ADGRD2: variants seen among roughly 807,000 people sequenced by gnomAD.
The protein encoded by ADGRD2 is G protein-coupled receptor PGR24.
A neutral mutation model predicts 44.4 loss-of-function variants in ADGRD2; 71 were observed. That is an observed-to-expected ratio of 1.60 (90% CI 1.32 to 1.95). The LOEUF is 1.95. ADGRD2 is among the 30% of genes most tolerant of loss of function. The pLI is 0.00. For synonymous variants in ADGRD2, 481 were observed against 224.8 expected, an observed-to-expected ratio of 2.14 and a Z score of -10.19; for missense variants, 1,039 against 512.4, an observed-to-expected ratio of 2.03 and a Z score of -9.92.
intron 21 of ADGRD2, among the ~76,000 whole-genome samples, chr9:124,477,716 G>A (rs1235107058): frequency 2.6e-5 from 4 of 152,162 alleles, no homozygotes; most frequent in Non-Finnish European, 5.9e-5. Context: ...CGGTCCCGGG[G>A]AGTCTCAGCT....
chr9:124,469,200 G>T (rs1231423143), intron 14 of ADGRD2, 22 bp from the exon 18 acceptor site: 1 of 702,154 alleles, frequency 1.4e-6, no homozygotes, highest in South Asian at 1.5e-5. Flanking sequence ...CCAGCCTTGA[G>T]GCCCCCTTCT....
rs557119578 is a variant in ADGRD2 at position 124,454,693 on chromosome 9, G to T, written c.1108+124G>T. On this transcript the variant is annotated intron_variant, in intron 5 of 21. Coordinates refer to ENST00000334810, the Ensembl canonical transcript of ADGRD2. This position sits in a 1 kb window ranked among gnomAD's most constrained non-coding sequence, Gnocchi z 4.5. ...GTCTGCAGGAATAAAGGCCATTCAG[G>T]CTCCCTATTCTGTAGCCCCTGAGAG... The T allele has an allele frequency of 1.6e-6, 1 of 640,054 alleles. No individual in the cohort carries two copies. 39.6% of individuals were successfully genotyped at this position (640,054 alleles called of 1,614,324 possible). A position where few individuals can be genotyped will look rare whatever the true frequency, so the allele number is the denominator to read the frequency against.
intron 10 of ADGRD2, among the ~76,000 whole-genome samples, chr9:124,460,046 G>A (rs938085667): frequency 2.0e-5 from 3 of 151,638 alleles, no homozygotes; most frequent in Admixed American, 2.0e-4. Flanking sequence ...GAATGTTTCA[G>A]AGAAAGCAAG....
chr9:124,466,021 G>A (rs1325801585), intron 10 of ADGRD2: 2 of 342,656 alleles, frequency 5.8e-6, no homozygotes, highest in East Asian at 9.1e-5. Flanking sequence ...GGTCCCAGTG[G>A]CTCAGTAATT....
Position 124,454,265 on chromosome 9 carries a change from A to G in ADGRD2, c.1022+168A>G, listed in dbSNP as rs1210437771. 6.6e-6 allele frequency among the ~76,000 whole-genome samples: 1 copy of G among 152,210 alleles called. No individual in the cohort carries two copies. The highest frequency in any genetic ancestry group is 1.9e-4 in the East Asian group (1 of 5,192). On this transcript the variant is annotated intron_variant, in intron 4 of 21. Coordinates refer to ENST00000334810, the Ensembl canonical transcript of ADGRD2. The surrounding 1 kb of genome is among the most constrained non-coding windows in gnomAD (Gnocchi z 4.5). ...CAGAGCAGTGGGTCCAGACGGACCT[A>G]AGGGTGAATCGAAATTGTGTGACCT...
Position 124,454,199 on chromosome 9 carries a change from A to G in ADGRD2, c.1022+102A>G. 1.7e-6 allele frequency: 1 copy of G among 601,748 alleles called. No homozygotes were observed. The highest frequency in any genetic ancestry group is 2.6e-4 in the Middle Eastern group (1 of 3,866). 37.3% of individuals were successfully genotyped at this position (601,748 alleles called of 1,614,324 possible). On this transcript the variant is annotated intron_variant, in intron 4 of 21. Coordinates refer to ENST00000334810, the Ensembl canonical transcript of ADGRD2. The surrounding 1 kb of genome is among the most constrained non-coding windows in gnomAD (Gnocchi z 4.5). ...CTGCTGGCAAAGTCTGGGAATTCAG[A>G]ATAAACTCAGAGCTTCAAGGTCTCC...
intron 21 of ADGRD2, chr9:124,477,013 G>T (rs776313101): frequency 1.6e-6 from 1 of 643,652 alleles, no homozygotes; most frequent in East Asian, 3.3e-5. Flanking sequence ...GCGCTGCCAA[G>T]GAGCACAGCC....
chr9:124,453,890 C>G (rs1377057736), intron 3 of ADGRD2, 109 bp from the exon 7 acceptor site: 4 of 471,092 alleles, frequency 8.5e-6, no homozygotes, highest in Non-Finnish European at 1.5e-5. Flanking sequence ...CCCGAGCTGG[C>G]AACAGTGTCC....
At chr9:124,452,442 C>T in intron 1 of ADGRD2, 68 bp from the exon 5 acceptor site, 1 of 715,734 alleles carries the variant, frequency 1.4e-6, no homozygotes, top group Non-Finnish European at 2.6e-6. Context: ...GTCCTTGGCT[C>T]CGCCCAGCCC....
Position 124,455,949 on chromosome 9 carries a change from CTGGGACTAGGACA to C in ADGRD2, c.1394-668_1394-656del, listed in dbSNP as rs1195055431. Among the ~76,000 whole-genome samples the C allele has an allele frequency of 6.6e-5, 10 of 152,184 alleles. No individual in the cohort carries two copies. The South Asian group carries it at 8.3e-4, about 13-fold the overall frequency. ...CCCCTGTGGGCCTCAGAGGACAGAA[CTGGGACTAGGACA>C]TGGGGGTAGGGGAAGACGGCATAAC... On this transcript the variant is annotated intron_variant, in intron 6 of 21. Transcript: ENST00000334810.
Position 124,454,359 on chromosome 9 carries a change from C to A in ADGRD2, c.1023-125C>A. The A allele has an allele frequency of 1.6e-6, 1 of 623,550 alleles. No homozygotes were observed. The highest frequency in any genetic ancestry group is 2.9e-6 in the Non-Finnish European group (1 of 340,162). 38.6% of individuals were successfully genotyped at this position (623,550 alleles called of 1,614,324 possible). On this transcript the variant is annotated intron_variant, in intron 4 of 21. Coordinates refer to ENST00000334810, the Ensembl canonical transcript of ADGRD2. The surrounding 1 kb of genome is among the most constrained non-coding windows in gnomAD (Gnocchi z 4.5). Reference sequence around the variant, plus strand: ...AGAACACCGTGTGTAAGACTCTGGACACACAGCCATCAAGGTGCTCTTCCT... The same window carrying A: ...AGAACACCGTGTGTAAGACTCTGGAAACACAGCCATCAAGGTGCTCTTCCT...
chr9:124,451,458 G>T (rs1237019031), upstream of ADGRD2: 4 of 351,466 alleles, frequency 1.1e-5, no homozygotes, highest in Non-Finnish European at 2.2e-5. Context: ...CCTACTAGGT[G>T]GGCCACCCCA....
Position 124,469,256 on chromosome 9 carries a change from C to A in ADGRD2, c.2424C>A (p.Ala808=). 3 of 717,014 alleles carry A rather than the reference C, an allele frequency of 4.2e-6. No individual in the cohort carries two copies. In the South Asian group the frequency reaches 4.4e-5, roughly 11 times the overall value. The allele number at this position is 717,014 out of a possible 1,614,324, so 44.4% of individuals were successfully genotyped here. A position where few individuals can be genotyped will look rare whatever the true frequency, so the allele number is the denominator to read the frequency against. Reference sequence around the variant, plus strand: ...TGGGCATCGTGGCGGTCACCCTGGCCATGCTCCCCCATGACTACGTGGCCC... The same window carrying A: ...TGGGCATCGTGGCGGTCACCCTGGCAATGCTCCCCCATGACTACGTGGCCC... The change falls in exon 15 of 22, where the codon GCC becomes GCA. Residue 808 remains alanine, a synonymous_variant. Transcript: ENST00000334810.
intron 6 of ADGRD2, 40 bp from the exon 10 acceptor site, chr9:124,456,582 G>A: frequency 1.4e-6 from 1 of 716,998 alleles, no homozygotes; most frequent in Non-Finnish European, 2.6e-6. Flanking sequence ...GCAGTGGGGT[G>A]CAGAGTGTGA....
chr9:124,458,028 G>A (rs1443259782), intron 8 of ADGRD2, 85 bp from the exon 12 acceptor site: 2 of 700,254 alleles, frequency 2.9e-6, no homozygotes, highest in African/African-American at 1.8e-5. Flanking sequence ...TATCTCTAGA[G>A]TGGGGAGAGC....
At chr9:124,458,696 C>A in exon 10 of ADGRD2, 1 of 718,592 alleles carries the variant, frequency 1.4e-6, no homozygotes, top group Non-Finnish European at 2.6e-6. Flanking sequence ...GTGGCCATGA[C>A]CTTTCATCTC....
chr9:124,469,199 AG>A (rs34409653), intron 14 of ADGRD2, 22 bp from the exon 18 acceptor site: 1 of 701,426 alleles, frequency 1.4e-6, no homozygotes, highest in Non-Finnish European at 2.6e-6. Flanking sequence ...CCCAGCCTTG[AG>A]GCCCCCTTCT....
rs375484240 is a variant in ADGRD2, at chr9:124,452,394, G to T, written c.69-116G>T. The T allele has an allele frequency of 9.7e-4, 672 of 692,290 alleles. 8 individuals are homozygous for T. In the South Asian group the frequency reaches 0.01, roughly 11 times the overall value. The allele number at this position is 692,290 out of a possible 1,614,324, so 42.9% of individuals were successfully genotyped here. ...CTCAGCAGGCCATAGACATGGGCGGGTTCAGCCCCATCCAGCCCGAATGAC... is the reference window on the plus strand; with the variant it reads ...CTCAGCAGGCCATAGACATGGGCGGTTTCAGCCCCATCCAGCCCGAATGAC... On this transcript the variant is annotated intron_variant, in intron 1 of 21. Coordinates refer to ENST00000334810, the Ensembl canonical transcript of ADGRD2.
Position 124,456,716 on chromosome 9 carries a change from T to C in ADGRD2, c.1490T>C (p.Ile497Thr), listed in dbSNP as rs1831624911. Residue 497 changes from isoleucine to threonine, a missense_variant, in exon 7 of 22, where the codon ATC (isoleucine) becomes ACC (threonine). Physicochemically the swap from Ile to Thr is moderately conservative, Grantham distance 89. Transcript: ENST00000334810. ...ACCTCAGAGCGGCCCCGAATGCGCA[T>C]CCAGCACCGCCATGCTGGTGAGCCT... 4 of 709,814 alleles carry C rather than the reference T, an allele frequency of 5.6e-6. No homozygotes were observed. In the South Asian group the frequency reaches 5.9e-5, roughly 11 times the overall value. The allele number at this position is 709,814 out of a possible 1,614,324, so 44.0% of individuals were successfully genotyped here. A position where few individuals can be genotyped will look rare whatever the true frequency, so the allele number is the denominator to read the frequency against.
Sources: gnomAD v4.1 joint callset for allele counts (sites outside exome capture counted in the v4.1 genomes callset) on GRCh38, gnomAD v4.1.1 for gene constraint, Gnocchi (gnomAD v3.1) non-coding constraint, MANE v1.5 for transcripts, NCBI Gene and HGNC (gene_info 2026-07-23, HGNC 2026-07-21) for gene names.